HEATR5B: variants seen among roughly 807,000 people sequenced by gnomAD.
HEATR5B encodes HEAT repeat-containing protein 5B.
Under a neutral mutation model 224.1 loss-of-function variants are expected in HEATR5B, and 156 were observed. The observed-to-expected ratio is 0.70, with a 90% CI of 0.61 to 0.80. The LOEUF (loss-of-function observed/expected upper bound fraction) is 0.80, where lower values mean the gene tolerates loss of function less well. HEATR5B is among the 30% of genes least tolerant of loss of function. The pLI is 0.00. For synonymous variants in HEATR5B, 1,027 were observed against 893.0 expected, an observed-to-expected ratio of 1.15 and a Z score of -2.68; for missense variants, 2,323 against 2,535.5, an observed-to-expected ratio of 0.92 and a Z score of 1.80.
Position 37,058,497 on chromosome 2 carries a change from TA to T in HEATR5B, c.2012del (p.Leu671Ter). 6.2e-7 allele frequency: 1 copy of T among 1,613,406 alleles called. No homozygotes were observed. On this transcript the variant is annotated frameshift_variant, in exon 14 of 36. Transcript: ENST00000233099. LOFTEE classifies it high-confidence loss of function. ...HLKASAAMVR[L>X]RLYDILALLP... ...ACAAAGCCAAGATATCATAAAGTCT[TA>T]AACGGACCATTGCAGCACTAGCTTT...
Position 37,028,777 on chromosome 2 carries a change from T to C in HEATR5B, c.3505A>G (p.Ile1169Val). 6.2e-7 allele frequency: 1 copy of C among 1,614,134 alleles called. No homozygotes were observed. The highest frequency in any genetic ancestry group is 8.5e-7 in the Non-Finnish European group (1 of 1,180,014). ...AGCATATGTCCCAAAGTGTCATGAA[T>C]ATCAGAACATAATTTTCGATCTGTC... ...RETDRKLCSDIHDTLGHMLSS... is the reference protein window; with the variant it reads ...RETDRKLCSDVHDTLGHMLSS... Residue 1169 changes from isoleucine to valine, a missense_variant, in exon 23 of 36, where the codon ATT (isoleucine) becomes GTT (valine). Coordinates refer to ENST00000233099, the MANE Select transcript of HEATR5B (RefSeq NM_019024.3).
chr2:37,078,272 G>A (rs1672355743), intron 3 of HEATR5B, among the ~76,000 whole-genome samples: 1 of 152,174 alleles, frequency 6.6e-6, no homozygotes, highest in African/African-American at 2.4e-5. Flanking sequence ...TAGAATCAGG[G>A]AATCAACTTT....
intron 1 of HEATR5B, among the ~76,000 whole-genome samples, chr2:37,083,875 G>C (rs890559316): frequency 6.6e-6 from 1 of 152,202 alleles, no homozygotes. Flanking sequence ...GAGGGACTGA[G>C]GTCAAAACAC....
At chr2:36,983,465 G>C (rs1381580808) in intron 35 of HEATR5B, among the ~76,000 whole-genome samples, 1 of 152,138 alleles carries the variant, frequency 6.6e-6, no homozygotes, top group Non-Finnish European at 1.5e-5. Flanking sequence ...CTTGAATCTG[G>C]AAGGCGGAGG....
intron 33 of HEATR5B, among the ~76,000 whole-genome samples, chr2:36,993,442 C>T (rs1308298961): frequency 1.3e-5 from 2 of 151,292 alleles, no homozygotes; most frequent in African/African-American, 2.4e-5. Flanking sequence ...GAGGCTGAGG[C>T]GGGAGAATTG....
Position 37,007,436 on chromosome 2 carries a change from T to G in HEATR5B, c.4523-132A>C, listed in dbSNP as rs1057356890. 5.1e-6 allele frequency: 5 copies of G among 985,550 alleles called. No individual in the cohort carries two copies. The African/African-American group carries it at 8.5e-5, about 17-fold the overall frequency. The allele number at this position is 985,550 out of a possible 1,614,324, so 61.1% of individuals were successfully genotyped here. On this transcript the variant is annotated intron_variant, in intron 28 of 35. Transcript: ENST00000233099. Reference sequence around the variant, plus strand: ...TTGGCTCACTGCAACCTCCTCCTGCTGGGTTCAAGCAATTCTCCTGCCTCA... The same window carrying G: ...TTGGCTCACTGCAACCTCCTCCTGCGGGGTTCAAGCAATTCTCCTGCCTCA...
At chr2:37,052,376 C>G (rs141200006) in intron 17 of HEATR5B, among the ~76,000 whole-genome samples, 155 of 152,174 alleles carry the variant, frequency 1.0e-3, no homozygotes, top group African/African-American at 3.5e-3. Context: ...TCTGTTCATG[C>G]CTTCTACTCA....
At chr2:36,993,938 A>T (rs1351467793) in intron 33 of HEATR5B, among the ~76,000 whole-genome samples, 2 of 152,078 alleles carry the variant, frequency 1.3e-5, no homozygotes, top group Non-Finnish European at 2.9e-5. Flanking sequence ...GAACTGCCCC[A>T]GATTAAAGGA....
At chr2:37,059,089 T>C (rs1346811621) in intron 12 of HEATR5B, 102 bp from the exon 13 acceptor site, 3 of 649,450 alleles carry the variant, frequency 4.6e-6, no homozygotes, top group African/African-American at 1.8e-5. Context: ...TACTTAATTA[T>C]TATAACGTAT....
chr2:36,987,171 G>A (rs1231096711), intron 35 of HEATR5B, among the ~76,000 whole-genome samples: 1 of 152,194 alleles, frequency 6.6e-6, no homozygotes, highest in Non-Finnish European at 1.5e-5. Flanking sequence ...GCTCACGCTT[G>A]TAATCCGAGC....
intron 2 of HEATR5B, among the ~76,000 whole-genome samples, chr2:37,082,521 C>A (rs1468388618): frequency 6.6e-6 from 1 of 152,166 alleles, no homozygotes; most frequent in African/African-American, 2.4e-5. Flanking sequence ...TAACGAAACC[C>A]GAATGAGGGC....
intron 35 of HEATR5B, among the ~76,000 whole-genome samples, chr2:36,982,990 T>C (rs1007422337): frequency 1.3e-5 from 2 of 152,032 alleles, no homozygotes; most frequent in Non-Finnish European, 2.9e-5. Context: ...GACCTTTGCC[T>C]GTTTTATTTC....
In HEATR5B at chr2:36,981,332, A is replaced by G. The variant is rs181342523; in HGVS notation, c.*158T>C. ...AAAAAAAATCACTCCTTAAAAATCA[A>G]TAAGTGGTGTGAGCATTATTTCACT... is the stretch of plus-strand genomic sequence containing the variant. On this transcript the variant is annotated 3_prime_UTR_variant, in exon 36 of 36. Transcript: ENST00000233099. The G allele has an allele frequency of 1.6e-4, 73 of 469,760 alleles. No individual in the cohort carries two copies. The highest frequency in any genetic ancestry group is 1.8e-4 in the Non-Finnish European group (48 of 271,846). 29.1% of individuals were successfully genotyped at this position (469,760 alleles called of 1,614,324 possible).
intron 18 of HEATR5B, 86 bp downstream of exon 18, chr2:37,049,567 T>C: frequency 1.7e-6 from 2 of 1,185,134 alleles, no homozygotes; most frequent in Admixed American, 2.1e-5. Flanking sequence ...CTGTATACCA[T>C]GTGGAAAACA....
intron 20 of HEATR5B, among the ~76,000 whole-genome samples, chr2:37,039,571 T>G (rs1337201407): frequency 1.3e-5 from 2 of 152,208 alleles, no homozygotes; most frequent in Non-Finnish European, 2.9e-5. Flanking sequence ...GATTCAATAT[T>G]TGATCAATAA....
At chr2:37,080,005 G>A (rs1258642958) in intron 2 of HEATR5B, among the ~76,000 whole-genome samples, 1 of 152,122 alleles carries the variant, frequency 6.6e-6, no homozygotes, top group Admixed American at 6.6e-5. Context: ...ATTAGAAAAG[G>A]CCTCTCTCTG....
At position 36,988,693 on chromosome 2, in the gene HEATR5B, C is replaced by T. The variant is rs761893882; in HGVS notation, c.5864G>A (p.Gly1955Glu). Residue 1955 changes from glycine (G) to glutamate (E), a missense_variant, in exon 35 of 36, where the codon GGA becomes GAA. Gly to Glu is a moderately conservative substitution (Grantham distance 98). Coordinates refer to ENST00000233099, the MANE Select transcript of HEATR5B (RefSeq NM_019024.3). ...SNIELLAVQE[G>E]IKVLETLVAL... Reference sequence around the variant, plus strand: ...AACCAGTGTTTCAAGAACTTTTATTCCTTCTTGAACCGCTAAAAGCTCTAT... The same window carrying T: ...AACCAGTGTTTCAAGAACTTTTATTTCTTCTTGAACCGCTAAAAGCTCTAT... The T allele has an allele frequency of 1.2e-6, 2 of 1,613,914 alleles. No homozygotes were observed. The highest frequency in any genetic ancestry group is 1.7e-6 in the Non-Finnish European group (2 of 1,179,976).
intron 22 of HEATR5B, 55 bp downstream of exon 22, chr2:37,032,574 C>G: frequency 6.9e-7 from 1 of 1,444,700 alleles, no homozygotes; most frequent in Non-Finnish European, 9.5e-7. Context: ...TAGTACTTAA[C>G]TGAAATGTAA....
At chr2:37,034,656 G>A (rs1289188333) in intron 21 of HEATR5B, among the ~76,000 whole-genome samples, 1 of 148,974 alleles carries the variant, frequency 6.7e-6, no homozygotes, top group Non-Finnish European at 1.5e-5. Flanking sequence ...GCCCAGGCTG[G>A]TGTGCAGTGT....
Sources: gnomAD v4.1 joint callset for allele counts (sites outside exome capture counted in the v4.1 genomes callset) on GRCh38, gnomAD v4.1.1 for gene constraint, MANE v1.5 for transcripts, NCBI Gene and HGNC (gene_info 2026-07-23, HGNC 2026-07-21) for gene names.